The following TAF3 variants were observed in gnomAD, a reference collection of about 807,000 sequenced individuals.
The protein encoded by TAF3 is TATA-box binding protein associated factor 3, also known as transcription initiation factor TFIID subunit 3.
Under a neutral mutation model 80.6 loss-of-function variants are expected in TAF3, and 7 were observed. The observed-to-expected ratio is 0.09, with a 90% confidence interval of 0.05 to 0.16. TAF3 has a LOEUF of 0.16. Among genes scored for constraint, TAF3 ranks in the 10% least tolerant of loss-of-function variants. The probability of loss-of-function intolerance (pLI) is 1.00; values close to 1 mark genes in which losing one functional copy is unlikely to be tolerated. For synonymous variants in TAF3, 444 were observed against 446.1 expected (o/e 1.00, Z 0.06); for missense variants, 921 against 1,140.2 (o/e 0.81, Z 2.77).
intron 1 of TAF3, among the ~76,000 whole-genome samples, chr10:7,820,525 C>T (rs532532798): frequency 6.6e-6 from 1 of 152,238 alleles, no homozygotes; most frequent in African/African-American, 2.4e-5. Context: ...GACAGGGTCT[C>T]ACTCTGTCGC....
intron 4 of TAF3, among the ~76,000 whole-genome samples, chr10:7,985,932 C>T (rs578242643): frequency 6.6e-5 from 10 of 152,020 alleles, no homozygotes; most frequent in African/African-American, 2.2e-4. Context: ...TATGGGCACC[C>T]GCCCCCACAC....
chr10:7,930,762 C>T (rs934441277), intron 2 of TAF3, among the ~76,000 whole-genome samples: 3 of 151,900 alleles, frequency 2.0e-5, no homozygotes, highest in East Asian at 1.9e-4. Context: ...TAGATATACT[C>T]GATACTGGTA....
intron 3 of TAF3, among the ~76,000 whole-genome samples, chr10:7,974,451 T>C (rs141510188): frequency 7.9e-5 from 12 of 152,316 alleles, no homozygotes; most frequent in African/African-American, 2.9e-4. Context: ...TGTCAATCAG[T>C]GCTAATCCAG....
At chr10:7,935,959 G>A (rs1267619855) in intron 2 of TAF3, among the ~76,000 whole-genome samples, 4 of 152,176 alleles carry the variant, frequency 2.6e-5, no homozygotes, top group South Asian at 2.1e-4. Context: ...GAGCACTCTC[G>A]AGTCTCATTT....
At chr10:7,975,015 A>G (rs1831656942) in intron 3 of TAF3, 1 of 202,874 alleles carries the variant, frequency 4.9e-6, no homozygotes, top group Non-Finnish European at 1.0e-5. Flanking sequence ...TGGAGGTTGC[A>G]GTGAGCCAAG....
intron 2 of TAF3, among the ~76,000 whole-genome samples, chr10:7,887,649 G>A (rs1212971069): frequency 6.6e-6 from 1 of 152,090 alleles, no homozygotes; most frequent in Non-Finnish European, 1.5e-5. Flanking sequence ...GATAAGAGCC[G>A]CTGGGAGTGT....
rs1420631157 is a variant in TAF3, at chr10:7,998,856, AAAAG to A, written c.2316-10214_2316-10211del. Among the ~76,000 whole-genome samples the A allele has an allele frequency of 2.6e-5, 4 of 152,126 alleles. No individual in the cohort carries two copies. In the South Asian group the frequency reaches 6.2e-4, roughly 24 times the overall value. ...TCCATCTCAAAAAAAAAAAGAAAAA[AAAAG>A]AAAGAAATGTAGGGAGAAAATTAAA... On this transcript the variant is annotated intron_variant, in intron 4 of 6. Transcript: ENST00000344293.
At chr10:7,906,899 G>T (rs969186176) in intron 2 of TAF3, among the ~76,000 whole-genome samples, 5 of 151,414 alleles carry the variant, frequency 3.3e-5, no homozygotes, top group African/African-American at 1.2e-4. Flanking sequence ...TTATTCTTCT[G>T]TTGGTCTCTT....
At chr10:7,986,607 G>T (rs1831780224) in intron 4 of TAF3, among the ~76,000 whole-genome samples, 1 of 152,166 alleles carries the variant, frequency 6.6e-6, no homozygotes, top group Non-Finnish European at 1.5e-5. Flanking sequence ...CCTTGTCCTA[G>T]AAGTCTCCTT....
At chr10:8,013,873 T>G in intron 6 of TAF3, 36 bp downstream of exon 6, 1 of 1,562,176 alleles carries the variant, frequency 6.4e-7, no homozygotes, top group South Asian at 1.1e-5. Context: ...CCACACTCAT[T>G]AGGCAGCATC....
intron 2 of TAF3, among the ~76,000 whole-genome samples, chr10:7,924,780 A>T (rs1465301292): frequency 6.6e-6 from 1 of 151,826 alleles, no homozygotes; most frequent in Admixed American, 6.6e-5. Flanking sequence ...TGAGAGAGGG[A>T]CATGAATTTT....
At chr10:7,890,157 C>G (rs1039986549) in intron 2 of TAF3, among the ~76,000 whole-genome samples, 2 of 152,176 alleles carry the variant, frequency 1.3e-5, no homozygotes, top group Non-Finnish European at 2.9e-5. Flanking sequence ...TCTTTTTCAC[C>G]AGACTGCAGC....
rs888376865 is a variant in TAF3 at position 8,012,819 on chromosome 10, C to G, written c.2569-912C>G. ...AAAGAAAGCCTTTCTAAAAGCATGTCTAGTCAGTGTGGTATTTGAAAGTCT... is the reference window on the plus strand; with the variant it reads ...AAAGAAAGCCTTTCTAAAAGCATGTGTAGTCAGTGTGGTATTTGAAAGTCT... On this transcript the variant is annotated intron_variant, in intron 5 of 6. Coordinates refer to ENST00000344293, the MANE Select transcript of TAF3 (RefSeq NM_031923.4). Among the ~76,000 whole-genome samples the G allele has an allele frequency of 2.0e-5, 3 of 152,194 alleles. No individual in the cohort carries two copies. In the East Asian group the frequency reaches 5.8e-4, roughly 29 times the overall value.
chr10:7,874,391 G>A (rs1837295477), intron 2 of TAF3, among the ~76,000 whole-genome samples: 1 of 152,214 alleles, frequency 6.6e-6, no homozygotes, highest in South Asian at 2.1e-4. Flanking sequence ...ATTTTTTGAA[G>A]TTATATATAT....
intron 2 of TAF3, among the ~76,000 whole-genome samples, chr10:7,958,915 A>G (rs1464809123): frequency 6.6e-6 from 1 of 152,162 alleles, no homozygotes; most frequent in Non-Finnish European, 1.5e-5. Context: ...TGGGCGGATC[A>G]CAAGGTCAGG....
intron 2 of TAF3, among the ~76,000 whole-genome samples, chr10:7,912,616 A>C (rs1483450248): frequency 9.9e-5 from 15 of 152,216 alleles, no homozygotes. Context: ...TCTGAAATAC[A>C]TGGTAATTCT....
intron 2 of TAF3, among the ~76,000 whole-genome samples, chr10:7,925,243 T>A (rs1038367743): frequency 6.6e-6 from 1 of 152,210 alleles, no homozygotes; most frequent in Non-Finnish European, 1.5e-5. Flanking sequence ...ACTCATCAAA[T>A]GGAACCAGAA....
At position 8,009,380 on chromosome 10, in the gene TAF3, G is replaced by A. The variant is rs761071492; in HGVS notation, c.2568+50G>A. On this transcript the variant is annotated intron_variant, in intron 5 of 6. Coordinates refer to ENST00000344293, the MANE Select transcript of TAF3 (RefSeq NM_031923.4). The surrounding 1 kb of genome is among the most constrained non-coding windows in gnomAD (Gnocchi z 4.1). ...TAGCATGGAGACGTTTTCAGATCGA[G>A]ACAAGTGTGTGCTCTGAATCACTAT... is the stretch of plus-strand genomic sequence containing the variant. 6.5e-7 allele frequency: 1 copy of A among 1,549,480 alleles called. No homozygotes were observed. Among genetic ancestry groups the A allele is most frequent in the South Asian group, 1.1e-5 (1 of 87,328 alleles).
At chr10:7,864,857 G>A (rs1399444361) in intron 2 of TAF3, among the ~76,000 whole-genome samples, 1 of 149,382 alleles carries the variant, frequency 6.7e-6, no homozygotes, top group Non-Finnish European at 1.5e-5. Context: ...TGTACTCTTT[G>A]TGCCCTAAGA....
Sources: allele counts gnomAD v4.1 joint callset (sites outside exome capture counted in the v4.1 genomes callset), GRCh38; gene constraint gnomAD v4.1.1; non-coding constraint Gnocchi (gnomAD v3.1); transcripts MANE v1.5; gene names NCBI Gene and HGNC (gene_info 2026-07-23, HGNC 2026-07-21).